MLXIPL: variants seen among roughly 807,000 people sequenced by gnomAD.
MLXIPL encodes carbohydrate-responsive element-binding protein.
In MLXIPL, 49 loss-of-function variants were observed where a neutral mutation model predicts 81.5. The observed-to-expected ratio is 0.60, with a 90% confidence interval of 0.48 to 0.76. MLXIPL has a LOEUF of 0.76. MLXIPL is among the 30% of genes least tolerant of loss of function. The pLI is 0.00. For missense variants in MLXIPL, 1,053 were observed against 1,167.0 expected (o/e 0.90, Z 1.42); for synonymous variants, 466 against 485.5 (o/e 0.96, Z 0.53).
chr7:73,625,043 G>A (rs1796655001), upstream of MLXIPL, among the ~76,000 whole-genome samples: 1 of 152,048 alleles, frequency 6.6e-6, no homozygotes, highest in Admixed American at 6.6e-5. Context: ...AATTATCCAG[G>A]CATGGTGGCG....
rs1794298875 is a variant in MLXIPL at position 73,596,346 on chromosome 7, G to A, written c.1938+18C>T. 4 of 1,613,062 alleles carry A rather than the reference G, an allele frequency of 2.5e-6. No homozygotes were observed. Among genetic ancestry groups the A allele is most frequent in the East Asian group, 2.2e-5 (1 of 44,846 alleles). On this transcript the variant is annotated intron_variant, in intron 12 of 16. Coordinates refer to ENST00000313375, the MANE Select transcript of MLXIPL (RefSeq NM_032951.3). This position sits in a 1 kb window ranked among gnomAD's most constrained non-coding sequence, Gnocchi z 4.7. Reference sequence around the variant, plus strand: ...CTGGGGGTAGCAAACCGATCTTGGGGTGGGGGATGGTGCCCACCTTGTTGC... The same window carrying A: ...CTGGGGGTAGCAAACCGATCTTGGGATGGGGGATGGTGCCCACCTTGTTGC...
chr7:73,616,979 G>C (rs1214542936), intron 1 of MLXIPL, among the ~76,000 whole-genome samples: 2 of 152,118 alleles, frequency 1.3e-5, no homozygotes, highest in Non-Finnish European at 2.9e-5. Flanking sequence ...TAGAGAGGGA[G>C]CCTCTGTGTT....
At chr7:73,595,027 G>A (rs1032546139) in intron 15 of MLXIPL, among the ~76,000 whole-genome samples, 1 of 151,972 alleles carries the variant, frequency 6.6e-6, no homozygotes, top group Non-Finnish European at 1.5e-5. Flanking sequence ...TGTATTTTTA[G>A]TAGAGATGGG....
the MLXIPL span, among the ~76,000 whole-genome samples, chr7:73,640,492 G>A: frequency 6.8e-6 from 1 of 146,910 alleles, no homozygotes; most frequent in African/African-American, 2.5e-5. Context: ...AATAGATGAT[G>A]GCGGCCGGGC....
intron 7 of MLXIPL, among the ~76,000 whole-genome samples, chr7:73,601,640 C>T (rs1462548985): frequency 6.6e-6 from 1 of 152,196 alleles, no homozygotes; most frequent in Non-Finnish European, 1.5e-5. Flanking sequence ...AAACGATTCT[C>T]ATGCCTCGGC....
At chr7:73,634,310 T>C in the MLXIPL span, among the ~76,000 whole-genome samples, 3 of 152,096 alleles carry the variant, frequency 2.0e-5, no homozygotes, top group South Asian at 6.2e-4. Flanking sequence ...GGTGGGAGGA[T>C]TGCTTGAGGC....
At chr7:73,616,614 A>G (rs1796019744) in intron 1 of MLXIPL, among the ~76,000 whole-genome samples, 1 of 152,104 alleles carries the variant, frequency 6.6e-6, no homozygotes, top group South Asian at 2.1e-4. Context: ...TTGCGGGGCC[A>G]AGGCGGGTGG....
intron 15 of MLXIPL, 147 bp from the exon 16 acceptor site, chr7:73,594,550 C>CTT: frequency 1.0e-6 from 1 of 959,742 alleles, no homozygotes; most frequent in Non-Finnish European, 1.5e-6. Context: ...GCCCCTACTT[C>CTT]TTCTTTTTTT....
At chr7:73,636,760 A>G in the MLXIPL span, among the ~76,000 whole-genome samples, 1 of 151,188 alleles carries the variant, frequency 6.6e-6, no homozygotes, top group African/African-American at 2.4e-5. Context: ...AAGCACTTAT[A>G]TCAATTAAAA....
chr7:73,644,722 T>C, the MLXIPL span, among the ~76,000 whole-genome samples: 2 of 151,980 alleles, frequency 1.3e-5, no homozygotes, highest in Non-Finnish European at 2.9e-5. Flanking sequence ...CCAGGAGCTG[T>C]AGGACAAAGA....
intron 2 of MLXIPL, among the ~76,000 whole-genome samples, chr7:73,612,290 C>T (rs1795735772): frequency 6.6e-6 from 1 of 151,722 alleles, no homozygotes; most frequent in South Asian, 2.1e-4. Flanking sequence ...ATGTTGGCTC[C>T]ACTGCACTCC....
intron 2 of MLXIPL, among the ~76,000 whole-genome samples, chr7:73,613,047 CA>C (rs1795798796): frequency 6.6e-6 from 1 of 152,122 alleles, no homozygotes; most frequent in Non-Finnish European, 1.5e-5. Context: ...ACTGTTGGAT[CA>C]GGAAAGGAAG....
In MLXIPL at chr7:73,596,011, T is replaced by A; in HGVS notation, c.2059-42A>T. The A allele has an allele frequency of 6.2e-7, 1 of 1,609,876 alleles. No individual in the cohort carries two copies. The highest frequency in any genetic ancestry group is 8.5e-7 in the Non-Finnish European group (1 of 1,179,734). ...GGGGGCTCAGGCAGGTGCTAGAGGC[T>A]GTACCCTGGGACCCACTGAGGCACT... On this transcript the variant is annotated intron_variant, in intron 13 of 16. Coordinates refer to ENST00000313375, the MANE Select transcript of MLXIPL (RefSeq NM_032951.3). This position sits in a 1 kb window ranked among gnomAD's most constrained non-coding sequence, Gnocchi z 4.7.
chr7:73,617,583 G>A (rs1165323802), intron 1 of MLXIPL, among the ~76,000 whole-genome samples: 3 of 152,074 alleles, frequency 2.0e-5, no homozygotes, highest in African/African-American at 4.8e-5. Context: ...GGTAGCTCAC[G>A]GTTGTAATCC....
chr7:73,626,580 T>G (rs1174234915), upstream of MLXIPL, among the ~76,000 whole-genome samples: 22 of 152,110 alleles, frequency 1.4e-4, no homozygotes, highest in Admixed American at 1.3e-3. Flanking sequence ...TTTTCTCACC[T>G]TGAGGACAGA....
At chr7:73,621,194 C>T (rs978408934) in intron 1 of MLXIPL, among the ~76,000 whole-genome samples, 2 of 151,920 alleles carry the variant, frequency 1.3e-5, no homozygotes, top group Non-Finnish European at 2.9e-5. Context: ...GCCCCCTAAC[C>T]AGGTCCTGTT....
chr7:73,615,904 CTG>C (rs1218821926), intron 2 of MLXIPL, among the ~76,000 whole-genome samples, 165 bp downstream of exon 2: 3 of 132,034 alleles, frequency 2.3e-5, no homozygotes, highest in East Asian at 2.2e-4. Context: ...CAGAGCAAGA[CTG>C]TGTCTCAAAA....
In MLXIPL at chr7:73,593,817, G is replaced by A. The variant is rs781834981; in HGVS notation, c.*48C>T. 1 of 1,514,114 alleles carries A rather than the reference G, an allele frequency of 6.6e-7. No homozygotes were observed. Among genetic ancestry groups the A allele is most frequent in the Non-Finnish European group, 9.2e-7 (1 of 1,089,644 alleles). The allele number at this position is 1,514,114 out of a possible 1,614,324, so 93.8% of individuals were successfully genotyped here. A position where few individuals can be genotyped will look rare whatever the true frequency, so the allele number is the denominator to read the frequency against. On this transcript the variant is annotated 3_prime_UTR_variant, in exon 17 of 17. Coordinates refer to ENST00000313375, the MANE Select transcript of MLXIPL (RefSeq NM_032951.3). ...ATGATCCCTGGAGCCCGTGCCCAGG[G>A]AAAGCAGCCCCCAGGGCAGCTGAGT...
At chr7:73,626,196 G>A (rs577845120), upstream of MLXIPL, among the ~76,000 whole-genome samples, 1 of 152,122 alleles carries the variant, frequency 6.6e-6, no homozygotes, top group East Asian at 1.9e-4. Flanking sequence ...TAGAGACGAG[G>A]TTTCTCCATG....
Sources: gnomAD v4.1 joint callset for allele counts (sites outside exome capture counted in the v4.1 genomes callset) on GRCh38, gnomAD v4.1.1 for gene constraint, Gnocchi (gnomAD v3.1) non-coding constraint, MANE v1.5 for transcripts, NCBI Gene and HGNC (gene_info 2026-07-23, HGNC 2026-07-21) for gene names.